The following ARHGAP24 variants were observed in gnomAD, a reference collection of about 807,000 sequenced individuals.
ARHGAP24 encodes Rho GTPase activating protein 24, also known as rho GTPase-activating protein 24.
In ARHGAP24, 50 loss-of-function variants were observed where a neutral mutation model predicts 76.4. The observed-to-expected ratio is 0.65, with a 90% CI of 0.52 to 0.83. ARHGAP24 has a LOEUF of 0.83. Ranked by LOEUF, ARHGAP24 falls within the 40% of genes least tolerant of loss-of-function variation. The pLI is 0.00. For missense variants in ARHGAP24, 930 were observed against 914.2 expected, an observed-to-expected ratio of 1.02 and a Z score of -0.22; for synonymous variants, 345 against 323.3, an observed-to-expected ratio of 1.07 and a Z score of -0.72.
intron 3 of ARHGAP24, among the ~76,000 whole-genome samples, chr4:85,842,370 T>A (rs1166525385): frequency 6.6e-6 from 1 of 152,168 alleles, no homozygotes; most frequent in Non-Finnish European, 1.5e-5. Flanking sequence ...CAAGTTACTT[T>A]ACCTGTTTCT....
At chr4:85,963,406 T>G (rs2148843839) in intron 5 of ARHGAP24, among the ~76,000 whole-genome samples, 1 of 152,246 alleles carries the variant, frequency 6.6e-6, no homozygotes, top group Non-Finnish European at 1.5e-5. Flanking sequence ...TTGATTTATT[T>G]TGTAACTGAC....
intron 1 of ARHGAP24, among the ~76,000 whole-genome samples, chr4:85,512,668 A>G (rs2110106295): frequency 6.6e-6 from 1 of 152,350 alleles, no homozygotes; most frequent in South Asian, 2.1e-4. Context: ...AGTGATATTT[A>G]TAGAGCCAGA....
intron 3 of ARHGAP24, among the ~76,000 whole-genome samples, chr4:85,729,156 C>A (rs1725292991): frequency 6.6e-6 from 1 of 152,074 alleles, no homozygotes; most frequent in Admixed American, 6.6e-5. Flanking sequence ...CTGTAGGCAG[C>A]CGTGAAGCTT....
Position 85,977,734 on chromosome 4 carries a change from A to G in ARHGAP24, c.928+43A>G, listed in dbSNP as rs545888254. On this transcript the variant is annotated intron_variant, in intron 8 of 9. Coordinates refer to ENST00000395184, the MANE Select transcript of ARHGAP24 (RefSeq NM_001025616.3). The stretch of plus-strand genomic sequence containing the variant: ...TTATACCCTTATCAAAAGAAGAAGT[A>G]ATTATCTCTTGACTGGCCAGAATCT... 23 of 1,605,618 alleles carry G rather than the reference A, an allele frequency of 1.4e-5. No homozygotes were observed. The African/African-American group carries it at 2.8e-4, about 20-fold the overall frequency.
rs935061729 is a variant in ARHGAP24, at chr4:85,596,773, C to G, written c.180+26052C>G. 2.0e-5 allele frequency among the ~76,000 whole-genome samples: 3 copies of G among 152,070 alleles called. No homozygotes were observed. The Middle Eastern group carries it at 0.01, about 517-fold the overall frequency. On this transcript the variant is annotated intron_variant, in intron 2 of 9. Coordinates refer to ENST00000395184, the MANE Select transcript of ARHGAP24 (RefSeq NM_001025616.3). ...TCCCTAGGTGTTCTAAAAAAAGAAG[C>G]TATTACATCATTTGATAACTAGATT...
intron 3 of ARHGAP24, among the ~76,000 whole-genome samples, chr4:85,825,623 A>G (rs1347346034): frequency 2.0e-5 from 3 of 152,192 alleles, no homozygotes; most frequent in Admixed American, 6.5e-5. Context: ...CAATTGAAAA[A>G]CAAGCAGGAC....
At chr4:85,836,819 C>T (rs1013821748) in intron 3 of ARHGAP24, among the ~76,000 whole-genome samples, 2 of 152,192 alleles carry the variant, frequency 1.3e-5, no homozygotes, top group African/African-American at 4.8e-5. Context: ...ATCCTGTCAG[C>T]GCTGGTAAGA....
rs1187946410 is a variant in ARHGAP24, at chr4:85,942,148, G to A, written c.474G>A (p.Gln158=). 1.2e-6 allele frequency: 2 copies of A among 1,614,054 alleles called. No homozygotes were observed. Among genetic ancestry groups the A allele is most frequent in the Admixed American group, 1.7e-5 (1 of 60,006 alleles). Residue 158 remains glutamine (Q), a synonymous_variant, in exon 5 of 10, where the codon CAG becomes CAA. Transcript: ENST00000395184. The part of the protein sequence containing the change: ...GNRLAPMLVE[Q]CVDFIRQRGL... ...GTCTGGCTCCGATGTTGGTGGAGCA[G>A]TGCGTGGACTTTATCCGACAAAGGG... is the stretch of plus-strand genomic sequence containing the variant.
intron 1 of ARHGAP24, among the ~76,000 whole-genome samples, chr4:85,546,405 C>T (rs1441832026): frequency 6.6e-6 from 1 of 152,080 alleles, no homozygotes; most frequent in African/African-American, 2.4e-5. Flanking sequence ...TTCTACTCTA[C>T]TTACTGCCCT....
intron 1 of ARHGAP24, among the ~76,000 whole-genome samples, chr4:85,521,668 C>A (rs918478991): frequency 6.6e-6 from 1 of 152,096 alleles, no homozygotes; most frequent in Non-Finnish European, 1.5e-5. Flanking sequence ...TACTGCTGAT[C>A]CTAGTGTATT....
chr4:85,563,246 G>A (rs568730701), intron 1 of ARHGAP24, among the ~76,000 whole-genome samples: 1 of 152,266 alleles, frequency 6.6e-6, no homozygotes, highest in South Asian at 2.1e-4. Flanking sequence ...CACAATGGCA[G>A]GTATCTTATT....
intron 3 of ARHGAP24, among the ~76,000 whole-genome samples, chr4:85,894,999 AG>A (rs1358853879): frequency 2.3e-3 from 51 of 22,102 alleles, no homozygotes; most frequent in Admixed American, 3.0e-3. Context: ...CAAAACAAAA[AG>A]CAAAAAAAAA....
At chr4:85,879,907 A>AG (rs1228682553) in intron 3 of ARHGAP24, among the ~76,000 whole-genome samples, 1 of 152,022 alleles carries the variant, frequency 6.6e-6, no homozygotes, top group African/African-American at 2.4e-5. Flanking sequence ...GATTCTCATA[A>AG]GGAGCAGGCA....
intron 2 of ARHGAP24, among the ~76,000 whole-genome samples, chr4:85,675,215 A>G (rs1236810180): frequency 6.6e-6 from 1 of 152,176 alleles, no homozygotes; most frequent in Admixed American, 6.5e-5. Flanking sequence ...AAAAACCATG[A>G]CGCATGTGTC....
chr4:85,841,816 A>G (rs1184107210), intron 3 of ARHGAP24, among the ~76,000 whole-genome samples: 2 of 152,238 alleles, frequency 1.3e-5, no homozygotes, highest in Non-Finnish European at 2.9e-5. Context: ...TTGGTGGTCT[A>G]TAAAATTCAT....
chr4:85,637,503 T>C (rs1721350251), intron 2 of ARHGAP24, among the ~76,000 whole-genome samples: 1 of 152,094 alleles, frequency 6.6e-6, no homozygotes, highest in South Asian at 2.1e-4. Context: ...TCTAAATGTA[T>C]GTTGCCAATA....
intron 2 of ARHGAP24, among the ~76,000 whole-genome samples, chr4:85,675,992 T>C (rs757243219): frequency 1.3e-5 from 2 of 152,172 alleles, no homozygotes. Flanking sequence ...GAGGTAAAAG[T>C]TTCCTGGAAG....
At chr4:85,582,828 A>G (rs1373207434) in intron 2 of ARHGAP24, among the ~76,000 whole-genome samples, 1 of 152,162 alleles carries the variant, frequency 6.6e-6, no homozygotes, top group Non-Finnish European at 1.5e-5. Context: ...TTCAAATTAT[A>G]TAATTTGATT....
intron 3 of ARHGAP24, among the ~76,000 whole-genome samples, chr4:85,814,828 C>T (rs1729168089): frequency 6.6e-6 from 1 of 152,184 alleles, no homozygotes; most frequent in South Asian, 2.1e-4. Flanking sequence ...GGGGCTCCAA[C>T]CCCACATTTC....
Sources: allele counts gnomAD v4.1 joint callset (sites outside exome capture counted in the v4.1 genomes callset), GRCh38; gene constraint gnomAD v4.1.1; transcripts MANE v1.5; gene names NCBI Gene and HGNC (gene_info 2026-07-23, HGNC 2026-07-21).